The following MAFG variants were observed in gnomAD, a reference collection of about 807,000 sequenced individuals.
MAFG encodes MAF bZIP transcription factor G, also known as transcription factor MafG.
In MAFG, 3 loss-of-function variants were observed where a neutral mutation model predicts 12.2. The observed-to-expected ratio is 0.25, with a 90% CI of 0.11 to 0.64. MAFG has a LOEUF of 0.64. MAFG is among the 30% of genes least tolerant of loss of function. MAFG has a pLI of 0.85. For synonymous variants in MAFG, 126 were observed against 109.1 expected (o/e 1.15, Z -0.96); for missense variants, 153 against 235.5 (o/e 0.65, Z 2.29).
At position 81,927,561 on chromosome 17, in the gene MAFG, G is replaced by A. The variant is rs1224006374; in HGVS notation, c.-63C>T. ...GGGCCCGGCGGGCCGAGGCCGGGGC[G>A]GGGCGGGGCCGCGCGCGCTCCGAGG... On this transcript the variant is annotated 5_prime_UTR_variant, in exon 1 of 3. Coordinates refer to ENST00000357736, the MANE Select transcript of MAFG (RefSeq NM_002359.4). 2 of 145,464 alleles carry A rather than the reference G, an allele frequency of 1.4e-5. No homozygotes were observed. The highest frequency in any genetic ancestry group is 3.1e-5 in the Non-Finnish European group (2 of 65,412). 9.0% of individuals were successfully genotyped at this position (145,464 alleles called of 1,614,324 possible).
rs915104073 is a variant in MAFG at position 81,922,452 on chromosome 17, C to T, written c.*153G>A. The T allele has an allele frequency of 3.9e-5, 22 of 566,632 alleles. No individual in the cohort carries two copies. The highest frequency in any genetic ancestry group is 3.3e-4 in the South Asian group (8 of 24,488). 35.1% of individuals were successfully genotyped at this position (566,632 alleles called of 1,614,324 possible). ...ACGAGATCAAAGGGGCTCAGCCCGGCGCCCCTGGGGTACAGGTTGTGCTTT... is the reference window on the plus strand; with the variant it reads ...ACGAGATCAAAGGGGCTCAGCCCGGTGCCCCTGGGGTACAGGTTGTGCTTT... On this transcript the variant is annotated 3_prime_UTR_variant, in exon 3 of 3. Coordinates refer to ENST00000357736, the MANE Select transcript of MAFG (RefSeq NM_002359.4).
At chr17:81,931,074 C>T (rs981736097), upstream of MAFG, among the ~76,000 whole-genome samples, 2 of 152,220 alleles carry the variant, frequency 1.3e-5, no homozygotes, top group East Asian at 1.9e-4. Context: ...TTCTCACGCA[C>T]GTCAGGAGCC....
At chr17:81,929,780 C>G (rs2040970326), upstream of MAFG, 1 of 154,316 alleles carries the variant, frequency 6.5e-6, no homozygotes, top group East Asian at 1.9e-4. This position sits in a 1 kb window ranked among gnomAD's most constrained non-coding sequence, Gnocchi z 5.7. Context: ...TTGGACTTCT[C>G]TGCACCTCCA....
chr17:81,923,987 C>G (rs1034455421), intron 1 of MAFG: 1 of 152,388 alleles, frequency 6.6e-6, no homozygotes. Flanking sequence ...GGCAGGCCAT[C>G]AGCTGGGAGG....
At chr17:81,923,652 C>G (rs1320316013) in intron 1 of MAFG, 1 of 156,602 alleles carries the variant, frequency 6.4e-6, no homozygotes, top group African/African-American at 2.4e-5. Flanking sequence ...CCCGCCGCGC[C>G]CGCACTCCCT....
upstream of MAFG, chr17:81,928,360 G>C (rs1041089275): frequency 3.3e-5 from 5 of 152,248 alleles, no homozygotes; most frequent in Non-Finnish European, 7.3e-5. The surrounding 1 kb of genome is among the most constrained non-coding windows in gnomAD (Gnocchi z 8.1). Context: ...ATAAACGGGG[G>C]ATCCCGTGTC....
chr17:81,929,139 A>T (rs1454959198), upstream of MAFG, among the ~76,000 whole-genome samples: 3 of 152,198 alleles, frequency 2.0e-5, no homozygotes, highest in Non-Finnish European at 2.9e-5. This position sits in a 1 kb window ranked among gnomAD's most constrained non-coding sequence, Gnocchi z 5.7. Context: ...TCCTCCTCAC[A>T]GGGTCGAGCC....
chr17:81,930,474 G>C (rs953194574), upstream of MAFG: 4 of 150,428 alleles, frequency 2.7e-5, no homozygotes, highest in African/African-American at 9.8e-5. This position sits in a 1 kb window ranked among gnomAD's most constrained non-coding sequence, Gnocchi z 4.1. Flanking sequence ...ACCAGCATTG[G>C]TAACATAGAG....
rs1160685367 is a variant in MAFG, at chr17:81,926,641, C to G, written c.-30+887G>C. ...CCCTCCCTCACTCAGGGAACTATTT[C>G]CCAGTTTGGAAAACTGCTCCAGACT... On this transcript the variant is annotated intron_variant, in intron 1 of 2. Transcript: ENST00000357736. This position sits in a 1 kb window ranked among gnomAD's most constrained non-coding sequence, Gnocchi z 4.6. 6.6e-6 allele frequency among the ~76,000 whole-genome samples: 1 copy of G among 152,174 alleles called. No individual in the cohort carries two copies. Among genetic ancestry groups the G allele is most frequent in the African/African-American group, 2.4e-5 (1 of 41,436 alleles).
chr17:81,925,668 C>T (rs1283850433), intron 1 of MAFG, among the ~76,000 whole-genome samples: 5 of 151,818 alleles, frequency 3.3e-5, no homozygotes, highest in East Asian at 1.9e-4. Context: ...AATAGCCGGG[C>T]GTCGTGGTGG....
rs2143829072 is a variant in MAFG, at chr17:81,926,799, T to C, written c.-30+729A>G. On this transcript the variant is annotated intron_variant, in intron 1 of 2. Transcript: ENST00000357736. This position sits in a 1 kb window ranked among gnomAD's most constrained non-coding sequence, Gnocchi z 4.6. ...CTCTTCAAGCACCCCTGCCTTCAAC[T>C]GGATCGCTCGGCGCTCACTTAAACA... is the stretch of plus-strand genomic sequence containing the variant. Among the ~76,000 whole-genome samples the C allele has an allele frequency of 6.6e-6, 1 of 152,170 alleles. No individual in the cohort carries two copies. Among genetic ancestry groups the C allele is most frequent in the African/African-American group, 2.4e-5 (1 of 41,532 alleles).
intron 1 of MAFG, 28 bp downstream of exon 1, chr17:81,927,500 C>T (rs891417144): frequency 6.8e-6 from 1 of 146,658 alleles, no homozygotes; most frequent in African/African-American, 2.5e-5. Flanking sequence ...CCCCCACCGC[C>T]CGGGCCCGCC....
rs959280908 is a variant in MAFG, at chr17:81,926,195, C to A, written c.-30+1333G>T. On this transcript the variant is annotated intron_variant, in intron 1 of 2. Coordinates refer to ENST00000357736, the MANE Select transcript of MAFG (RefSeq NM_002359.4). The surrounding 1 kb of genome is among the most constrained non-coding windows in gnomAD (Gnocchi z 4.6). ...GCTGCCACTTTCTAAGCGTCCTGGG[C>A]TGCCAGGCCAGACACCCAACAGGGC... 1.3e-5 allele frequency among the ~76,000 whole-genome samples: 2 copies of A among 152,204 alleles called. No homozygotes were observed. Among genetic ancestry groups the A allele is most frequent in the Non-Finnish European group, 2.9e-5 (2 of 68,040 alleles).
At chr17:81,925,672 G>A (rs1322492860) in intron 1 of MAFG, among the ~76,000 whole-genome samples, 1 of 151,880 alleles carries the variant, frequency 6.6e-6, no homozygotes, top group Non-Finnish European at 1.5e-5. Flanking sequence ...GCCGGGCGTC[G>A]TGGTGGGCGC....
intron 1 of MAFG, chr17:81,923,451 C>A (rs915278046): frequency 1.9e-5 from 8 of 421,060 alleles, no homozygotes; most frequent in Non-Finnish European, 3.4e-5. Flanking sequence ...GAAGGTCTGA[C>A]GGGAGAAGGG....
chr17:81,927,143 G>T (rs754412205), intron 1 of MAFG, among the ~76,000 whole-genome samples: 1 of 150,784 alleles, frequency 6.6e-6, no homozygotes, highest in Non-Finnish European at 1.5e-5. Flanking sequence ...GCTGCGGGCC[G>T]GGCCGCCGGG....
chr17:81,922,953 C>A lies in MAFG; in HGVS notation c.141G>T (p.Glu47Asp), dbSNP rs2040906717. Residue 47 changes from glutamate (E) to aspartate (D), a missense_variant, in exon 3 of 3, where the codon GAG becomes GAT. Coordinates refer to ENST00000357736, the MANE Select transcript of MAFG (RefSeq NM_002359.4). ...GGCGCTGCTTCAGCTGGACGATCTC[C>A]TCCTTGGACAGGCCCCGCAGGTGCT... ...LNQHLRGLSK[E>D]EIVQLKQRRR... The A allele has an allele frequency of 2.5e-6, 4 of 1,602,974 alleles. No homozygotes were observed. In the South Asian group the frequency reaches 4.5e-5, roughly 18 times the overall value.
chr17:81,927,232 C>G (rs2040948843), intron 1 of MAFG, among the ~76,000 whole-genome samples: 1 of 151,756 alleles, frequency 6.6e-6, no homozygotes, highest in Non-Finnish European at 1.5e-5. Context: ...TCCAGGACGC[C>G]CGGGTCTCCG....
rs2040943175 is a variant in MAFG at position 81,926,787 on chromosome 17, C to T, written c.-30+741G>A. Among the ~76,000 whole-genome samples the T allele has an allele frequency of 2.0e-5, 3 of 152,100 alleles. No homozygotes were observed. Among genetic ancestry groups the T allele is most frequent in the Admixed American group, 2.0e-4 (3 of 15,282 alleles). ...CACCCCCACTTCCTCTTCAAGCACC[C>T]CTGCCTTCAACTGGATCGCTCGGCG... is the stretch of plus-strand genomic sequence containing the variant. On this transcript the variant is annotated intron_variant, in intron 1 of 2. Transcript: ENST00000357736. This position sits in a 1 kb window ranked among gnomAD's most constrained non-coding sequence, Gnocchi z 4.6.
Sources: allele counts gnomAD v4.1 joint callset (sites outside exome capture counted in the v4.1 genomes callset), GRCh38; gene constraint gnomAD v4.1.1; non-coding constraint Gnocchi (gnomAD v3.1); transcripts MANE v1.5; gene names NCBI Gene and HGNC (gene_info 2026-07-23, HGNC 2026-07-21).